The following CUX1 variants were observed in gnomAD, a reference collection of about 807,000 sequenced individuals.
CUX1 encodes the protein cut like homeobox 1.
A neutral mutation model predicts 158.8 loss-of-function variants in CUX1; 31 were observed. The observed-to-expected ratio is 0.20, with a 90% CI of 0.15 to 0.26. The LOEUF is 0.26. Among genes scored for constraint, CUX1 ranks in the 10% least tolerant of loss-of-function variants. The pLI, the probability that CUX1 is intolerant of heterozygous loss-of-function variation, is 1.00. For synonymous variants in CUX1, 879 were observed against 862.1 expected (o/e 1.02, Z -0.34); for missense variants, 1,589 against 2,014.6 (o/e 0.79, Z 4.04).
chr7:102,165,818 G>C (rs1222411404), intron 9 of CUX1, among the ~76,000 whole-genome samples: 1 of 152,110 alleles, frequency 6.6e-6, no homozygotes, highest in Non-Finnish European at 1.5e-5. Flanking sequence ...TGAGGAATAT[G>C]ACACCAGCCC....
At chr7:102,029,435 A>ATATG (rs996568370) in intron 3 of CUX1, among the ~76,000 whole-genome samples, 3 of 152,230 alleles carry the variant, frequency 2.0e-5, no homozygotes, top group Non-Finnish European at 4.4e-5. Context: ...TGGGCCTTAT[A>ATATG]TATGGAAGGC....
intron 2 of CUX1, among the ~76,000 whole-genome samples, chr7:102,007,439 C>T (rs1817515906): frequency 6.6e-6 from 1 of 152,032 alleles, no homozygotes; most frequent in Non-Finnish European, 1.5e-5. Flanking sequence ...CTCCTCACCT[C>T]CCACCCTCCG....
chr7:102,173,853 C>T (rs1340047535), intron 10 of CUX1, among the ~76,000 whole-genome samples: 1 of 152,142 alleles, frequency 6.6e-6, no homozygotes, highest in Non-Finnish European at 1.5e-5. Flanking sequence ...TGGGGCTCCC[C>T]GCGGGCGTGT....
chr7:102,107,171 C>G lies in CUX1; in HGVS notation c.530+2712C>G, dbSNP rs185743163. Among the ~76,000 whole-genome samples, 5 of 151,278 alleles carry G rather than the reference C, an allele frequency of 3.3e-5. No homozygotes were observed. The East Asian group carries it at 9.8e-4, about 30-fold the overall frequency. On this transcript the variant is annotated intron_variant, in intron 6 of 23. Transcript: ENST00000292535. ...ATTACTTGAGGTCAGGAGTTCCAGG[C>G]TGCAGTGAGCTATGATCAGGCCACT... is the stretch of plus-strand genomic sequence containing the variant.
At chr7:102,283,225 C>T (rs1454959308) in exon 23 of CUX1, 2 of 720,676 alleles carry the variant, frequency 2.8e-6, no homozygotes, top group Non-Finnish European at 5.0e-6. Flanking sequence ...CTGCCAGAGG[C>T]CCCAGGTCAC....
chr7:102,215,539 T>C (rs1301503003), intron 20 of CUX1, among the ~76,000 whole-genome samples: 1 of 152,188 alleles, frequency 6.6e-6, no homozygotes, highest in Non-Finnish European at 1.5e-5. Flanking sequence ...TAAATTACTT[T>C]TACTGACTGT....
At chr7:101,867,737 TGGAAGCAAAACACCTCA>T (rs1173779214) in intron 1 of CUX1, among the ~76,000 whole-genome samples, 1 of 152,138 alleles carries the variant, frequency 6.6e-6, no homozygotes, top group African/African-American at 2.4e-5. Context: ...ATTAAGCATA[TGGAAGCAAAACACCTCA>T]GGAATACAGA....
intron 10 of CUX1, among the ~76,000 whole-genome samples, chr7:102,172,450 C>T (rs1358372205): frequency 2.0e-5 from 3 of 151,368 alleles, no homozygotes; most frequent in African/African-American, 4.9e-5. Context: ...TGGGCTCAAG[C>T]GATCCTCCTG....
chr7:101,864,030 C>G (rs936671430), intron 1 of CUX1, among the ~76,000 whole-genome samples: 1 of 152,122 alleles, frequency 6.6e-6, no homozygotes, highest in African/African-American at 2.4e-5. Context: ...CTTCAAGACC[C>G]AGTTTTCGTT....
chr7:101,875,170 T>G (rs535091651), intron 1 of CUX1, among the ~76,000 whole-genome samples: 4 of 152,298 alleles, frequency 2.6e-5, no homozygotes, highest in Admixed American at 2.0e-4. Flanking sequence ...AGATTACCTT[T>G]GTCCTGGGTC....
intron 21 of CUX1, among the ~76,000 whole-genome samples, chr7:102,230,323 T>A (rs536878545): frequency 6.6e-4 from 100 of 150,796 alleles, no homozygotes; most frequent in Non-Finnish European, 7.8e-4. Flanking sequence ...AAAAAAAAAA[T>A]TTTTTAAAAA....
intron 1 of CUX1, among the ~76,000 whole-genome samples, chr7:101,846,656 A>C (rs565493423): frequency 6.6e-6 from 1 of 152,174 alleles, no homozygotes; most frequent in Non-Finnish European, 1.5e-5. Context: ...TAGTTCTGAC[A>C]GTATCGATCA....
At chr7:102,219,092 A>ACACACACACACACAC (rs1473719939) in intron 20 of CUX1, among the ~76,000 whole-genome samples, 6 of 151,032 alleles carry the variant, frequency 4.0e-5, no homozygotes, top group African/African-American at 1.2e-4. Flanking sequence ...ACACACACAC[A>ACACACACACACACAC]CACTATGGCT....
Position 101,869,566 on chromosome 7 carries a change from T to G in CUX1, c.31-46549T>G, listed in dbSNP as rs924434523. Among the ~76,000 whole-genome samples, 10 of 132,130 alleles carry G rather than the reference T, an allele frequency of 7.6e-5. No individual in the cohort carries two copies. Among genetic ancestry groups the G allele is most frequent in the Non-Finnish European group, 1.3e-4 (8 of 62,160 alleles). The allele number at this position is 132,130 out of a possible 152,430, so 86.7% of individuals were successfully genotyped here. ...CGGGGCGCGGGAAGGGAGTGGCTGG[T>G]GGGGCGGGGGAGGGAAACCAGCACG... On this transcript the variant is annotated intron_variant, in intron 1 of 23. Coordinates refer to ENST00000292535, the MANE Select transcript of CUX1 (RefSeq NM_181552.4). The surrounding 1 kb of genome is among the most constrained non-coding windows in gnomAD (Gnocchi z 4.5).
At chr7:102,089,162 A>G (rs1828271143) in intron 4 of CUX1, among the ~76,000 whole-genome samples, 1 of 152,054 alleles carries the variant, frequency 6.6e-6, no homozygotes, top group Non-Finnish European at 1.5e-5. Context: ...CACATACTTT[A>G]AGCTTCAGAA....
intron 4 of CUX1, among the ~76,000 whole-genome samples, chr7:102,090,216 C>A (rs1413990169): frequency 2.6e-5 from 4 of 152,120 alleles, no homozygotes; most frequent in Admixed American, 2.6e-4. Context: ...TTTATGAAAT[C>A]TAGGTATAGG....
chr7:102,018,620 CAA>C, intron 2 of CUX1, among the ~76,000 whole-genome samples: 1 of 152,242 alleles, frequency 6.6e-6, no homozygotes, highest in Non-Finnish European at 1.5e-5. Context: ...TCAGAGTGGA[CAA>C]ACAGCCTTTC....
At chr7:102,140,161 T>C (rs1834292823) in intron 8 of CUX1, among the ~76,000 whole-genome samples, 1 of 152,234 alleles carries the variant, frequency 6.6e-6, no homozygotes, top group Non-Finnish European at 1.5e-5. Flanking sequence ...TTCTAAGGCT[T>C]GGCTTTGAAT....
At chr7:101,825,622 A>C (rs1391242275) in intron 1 of CUX1, among the ~76,000 whole-genome samples, 2 of 152,156 alleles carry the variant, frequency 1.3e-5, no homozygotes, top group African/African-American at 4.8e-5. Context: ...CTGGGAGAGG[A>C]AGGATATTGC....
Sources: allele counts gnomAD v4.1 joint callset (sites outside exome capture counted in the v4.1 genomes callset), GRCh38; gene constraint gnomAD v4.1.1; non-coding constraint Gnocchi (gnomAD v3.1); transcripts MANE v1.5; gene names NCBI Gene and HGNC (gene_info 2026-07-23, HGNC 2026-07-21).